ADAM12: variants seen among roughly 807,000 people sequenced by gnomAD.
ADAM12 encodes the protein disintegrin and metalloproteinase domain-containing protein 12.
In ADAM12, 70 loss-of-function variants were observed where a neutral mutation model predicts 106.4. The observed-to-expected ratio is 0.66, with a 90% confidence interval of 0.54 to 0.80. The LOEUF (loss-of-function observed/expected upper bound fraction) is 0.80. Among genes scored for constraint, ADAM12 ranks in the 30% least tolerant of loss-of-function variants. ADAM12 has a pLI of 0.00. For missense variants in ADAM12, 1,010 were observed against 1,171.9 expected, an observed-to-expected ratio of 0.86 and a Z score of 2.02; for synonymous variants, 420 against 433.5, an observed-to-expected ratio of 0.97 and a Z score of 0.39.
chr10:126,229,592 T>A (rs1487758413), intron 3 of ADAM12, among the ~76,000 whole-genome samples: 1 of 151,456 alleles, frequency 6.6e-6, no homozygotes, highest in Non-Finnish European at 1.5e-5. Context: ...TCCCTATACA[T>A]GTGCATTCTC....
At chr10:126,117,604 T>C (rs1376592840) in intron 6 of ADAM12, among the ~76,000 whole-genome samples, 2 of 152,118 alleles carry the variant, frequency 1.3e-5, no homozygotes, top group South Asian at 2.1e-4. Context: ...AGGCTCTATG[T>C]AGTCTTTCAC....
At chr10:126,157,025 GTGTGT>G (rs1956830670) in intron 3 of ADAM12, among the ~76,000 whole-genome samples, 3 of 103,796 alleles carry the variant, frequency 2.9e-5, no homozygotes, top group African/African-American at 9.0e-5. Context: ...TTTTGTGTGT[GTGTGT>G]GTGGGGGGGT....
intron 22 of ADAM12, among the ~76,000 whole-genome samples, chr10:126,017,802 G>A (rs1953687427): frequency 6.6e-6 from 1 of 152,148 alleles, no homozygotes; most frequent in Admixed American, 6.5e-5. Flanking sequence ...CCAGAGAACA[G>A]GGAGCAAAGG....
chr10:126,081,687 TAC>T (rs1429344627), intron 11 of ADAM12, among the ~76,000 whole-genome samples: 1 of 152,202 alleles, frequency 6.6e-6, no homozygotes, highest in East Asian at 1.9e-4. Context: ...GGATAACAAC[TAC>T]CTCATTGCAC....
At chr10:126,160,177 C>T (rs2133738685) in intron 3 of ADAM12, among the ~76,000 whole-genome samples, 1 of 152,236 alleles carries the variant, frequency 6.6e-6, no homozygotes, top group Admixed American at 6.5e-5. Context: ...AAAATTCATG[C>T]TCAGCATACA....
chr10:126,218,341 T>A (rs1377773151), intron 3 of ADAM12, among the ~76,000 whole-genome samples: 1 of 152,152 alleles, frequency 6.6e-6, no homozygotes, highest in Non-Finnish European at 1.5e-5. Flanking sequence ...TAACTCCACA[T>A]CAACTCACCA....
At chr10:126,346,776 A>G (rs1855156575) in intron 1 of ADAM12, among the ~76,000 whole-genome samples, 1 of 152,164 alleles carries the variant, frequency 6.6e-6, no homozygotes, top group Admixed American at 6.5e-5. Flanking sequence ...CCATTATGTA[A>G]TGGCCTTCTT....
intron 3 of ADAM12, among the ~76,000 whole-genome samples, chr10:126,214,422 T>C (rs1034143502): frequency 3.5e-4 from 54 of 152,338 alleles, no homozygotes; most frequent in African/African-American, 1.2e-3. Flanking sequence ...GCCTGACATA[T>C]AGTACCTATT....
At position 126,388,150 on chromosome 10, in the gene ADAM12, G is replaced by C; in HGVS notation, c.-5C>G. ...GGGCAGCGGGCGCGCTGCCATCGTC[G>C]CCGGCCTTCAGTGCAGCAGCTCTCG... is the stretch of plus-strand genomic sequence containing the variant. On this transcript the variant is annotated 5_prime_UTR_variant, in exon 1 of 23. Coordinates refer to ENST00000448723, the MANE Select transcript of ADAM12 (RefSeq NM_001288973.2). The surrounding 1 kb of genome is among the most constrained non-coding windows in gnomAD (Gnocchi z 4.4). 8.3e-7 allele frequency: 1 copy of C among 1,210,766 alleles called. No individual in the cohort carries two copies. The highest frequency in any genetic ancestry group is 1.0e-6 in the Non-Finnish European group (1 of 974,402). 75.0% of individuals were successfully genotyped at this position (1,210,766 alleles called of 1,614,324 possible). A position where few individuals can be genotyped will look rare whatever the true frequency, so the allele number is the denominator to read the frequency against.
chr10:126,060,100 G>T (rs535273958), intron 14 of ADAM12, among the ~76,000 whole-genome samples: 7 of 152,140 alleles, frequency 4.6e-5, no homozygotes, highest in Admixed American at 2.6e-4. Flanking sequence ...CAACGAGAAC[G>T]TACGTTATCA....
intron 11 of ADAM12, among the ~76,000 whole-genome samples, chr10:126,086,798 C>A (rs1453812949): frequency 1.4e-5 from 2 of 146,900 alleles, no homozygotes; most frequent in Non-Finnish European, 3.0e-5. Flanking sequence ...CTTTGGGAAG[C>A]CGAGGCTCAC....
chr10:126,385,806 T>C (rs1196235138), intron 1 of ADAM12, among the ~76,000 whole-genome samples: 1 of 152,178 alleles, frequency 6.6e-6, no homozygotes, highest in African/African-American at 2.4e-5. Flanking sequence ...GTTTGGATTT[T>C]CTTTCCTAAG....
At chr10:126,099,707 GCC>G (rs1955624240) in intron 9 of ADAM12, among the ~76,000 whole-genome samples, 1 of 152,130 alleles carries the variant, frequency 6.6e-6, no homozygotes, top group African/African-American at 2.4e-5. Context: ...TGTGAAAATG[GCC>G]GAAGTAAATT....
intron 2 of ADAM12, among the ~76,000 whole-genome samples, chr10:126,282,112 G>A (rs1959612252): frequency 2.6e-5 from 4 of 152,154 alleles, no homozygotes; most frequent in South Asian, 2.1e-4. Context: ...GGCATTGGCA[G>A]GTTTGGTTTC....
At chr10:126,223,277 G>A (rs192426492) in intron 3 of ADAM12, among the ~76,000 whole-genome samples, 1 of 152,268 alleles carries the variant, frequency 6.6e-6, no homozygotes, top group Admixed American at 6.5e-5. Context: ...TAGATTCGAA[G>A]TTGATTTCAA....
intron 8 of ADAM12, among the ~76,000 whole-genome samples, chr10:126,103,408 T>A (rs1955704722): frequency 6.6e-6 from 1 of 152,232 alleles, no homozygotes; most frequent in Admixed American, 6.5e-5. Context: ...TAATGTTTAG[T>A]GAGCATTACT....
At chr10:126,075,248 T>G (rs1955076864) in intron 11 of ADAM12, among the ~76,000 whole-genome samples, 1 of 152,238 alleles carries the variant, frequency 6.6e-6, no homozygotes, top group Non-Finnish European at 1.5e-5. Context: ...TTTCATGATT[T>G]CTCAGCAAGG....
At chr10:126,304,861 G>A (rs1382551983) in intron 2 of ADAM12, among the ~76,000 whole-genome samples, 1 of 151,892 alleles carries the variant, frequency 6.6e-6, no homozygotes, top group Non-Finnish European at 1.5e-5. Context: ...GAAATATCAG[G>A]GAAATGTGAA....
chr10:126,100,115 G>A (rs1408039487), intron 9 of ADAM12, among the ~76,000 whole-genome samples: 1 of 152,096 alleles, frequency 6.6e-6, no homozygotes, highest in African/African-American at 2.4e-5. Context: ...TCTCAGTAGA[G>A]TGGAGACTTC....
Sources: allele counts gnomAD v4.1 joint callset (sites outside exome capture counted in the v4.1 genomes callset), GRCh38; gene constraint gnomAD v4.1.1; non-coding constraint Gnocchi (gnomAD v3.1); transcripts MANE v1.5; gene names NCBI Gene and HGNC (gene_info 2026-07-23, HGNC 2026-07-21).